CCDC33: variants seen among roughly 807,000 people sequenced by gnomAD.
The protein encoded by CCDC33 is coiled-coil domain-containing protein 33.
Under a neutral mutation model 91.9 loss-of-function variants are expected in CCDC33, and 94 were observed. The ratio of observed to expected loss-of-function variants is 1.02; its 90% CI spans 0.87 to 1.21. The LOEUF is 1.21. Among genes scored for constraint, CCDC33 ranks in the 50% most tolerant of loss-of-function variants. CCDC33 has a pLI of 0.00. For synonymous variants in CCDC33, 396 were observed against 374.5 expected (o/e 1.06, Z -0.66); for missense variants, 940 against 935.5 (o/e 1.00, Z -0.06).
chr15:74,209,466 C>G, exon 2 of CCDC33: 1 of 1,534,806 alleles, frequency 6.5e-7, no homozygotes, highest in South Asian at 1.2e-5. Context: ...CTGCTGCTGC[C>G]CAGCTGGGCT....
chr15:74,274,739 C>T (rs1193723816), intron 7 of CCDC33, among the ~76,000 whole-genome samples: 1 of 152,240 alleles, frequency 6.6e-6, no homozygotes, highest in African/African-American at 2.4e-5. Flanking sequence ...CCTCCCACCC[C>T]CAGGCTTTCT....
At chr15:74,287,273 G>T (rs1223934335) in intron 10 of CCDC33, among the ~76,000 whole-genome samples, 1 of 152,146 alleles carries the variant, frequency 6.6e-6, no homozygotes, top group African/African-American at 2.4e-5. Context: ...GACTCCATCT[G>T]TGAAAACACT....
At chr15:74,242,954 C>G (rs1215958792) in intron 1 of CCDC33, among the ~76,000 whole-genome samples, 1 of 152,178 alleles carries the variant, frequency 6.6e-6, no homozygotes, top group South Asian at 2.1e-4. Flanking sequence ...CACTCCTGCA[C>G]CTTCTCCCAA....
At chr15:74,274,939 G>A (rs893111999) in intron 7 of CCDC33, among the ~76,000 whole-genome samples, 12 of 152,278 alleles carry the variant, frequency 7.9e-5, no homozygotes, top group African/African-American at 2.7e-4. Flanking sequence ...AGGTGCCCAG[G>A]TGCAGCAGTG....
chr15:74,295,684 G>A (rs1411204527), intron 10 of CCDC33, 70 bp from the exon 11 acceptor site: 172 of 1,346,680 alleles, frequency 1.3e-4, no homozygotes, highest in Non-Finnish European at 4.9e-5. Flanking sequence ...GGGTGTAGAT[G>A]GTGTGCTTAT....
chr15:74,334,987 G>A lies in CCDC33; in HGVS notation c.2038G>A (p.Ala680Thr). The A allele has an allele frequency of 6.2e-7, 1 of 1,614,032 alleles. No individual in the cohort carries two copies. Among genetic ancestry groups the A allele is most frequent in the Non-Finnish European group, 8.5e-7 (1 of 1,179,904 alleles). Residue 680 changes from alanine to threonine, a missense_variant, in exon 18 of 19, where the codon GCT becomes ACT. Ala to Thr is a moderately conservative substitution (Grantham distance 58). Transcript: ENST00000398814. ...TCTGTGTCTGCAGTTAGAGGACTCA[G>A]CTCGACGCTGGGGACGAGAGAAGCA... ...LSLESQLEDSARRWGREKQDL... is the reference protein window; with the variant it reads ...LSLESQLEDSTRRWGREKQDL...
chr15:74,318,681 G>C (rs371446826), intron 11 of CCDC33: 1 of 757,452 alleles, frequency 1.3e-6, no homozygotes, highest in South Asian at 1.4e-5. Context: ...CTCGCCCACT[G>C]GTTCTGGGAA....
At chr15:74,209,056 C>T (rs889631384) in intron 1 of CCDC33, 2 of 1,203,634 alleles carry the variant, frequency 1.7e-6, no homozygotes, top group Non-Finnish European at 2.1e-6. Flanking sequence ...CAGCTCCCCC[C>T]TTCTCCAGTC....
At chr15:74,279,905 T>C (rs1052455480) in intron 7 of CCDC33, 58 bp from the exon 8 acceptor site, 2 of 1,577,132 alleles carry the variant, frequency 1.3e-6, no homozygotes, top group African/African-American at 1.4e-5. Flanking sequence ...TATCTGTGTA[T>C]GCCTTGATTT....
chr15:74,313,379 T>TCCAACC (rs1567024557), intron 11 of CCDC33, among the ~76,000 whole-genome samples: 2 of 151,352 alleles, frequency 1.3e-5, no homozygotes, highest in Admixed American at 6.6e-5. Context: ...CTCAGTCCCT[T>TCCAACC]CCAACCCCAG....
At chr15:74,284,243 T>C (rs1004799250) in intron 10 of CCDC33, among the ~76,000 whole-genome samples, 1 of 152,232 alleles carries the variant, frequency 6.6e-6, no homozygotes, top group South Asian at 2.1e-4. Context: ...AAGTAGAATT[T>C]TGGCTGCCAT....
chr15:74,268,397 C>G lies in CCDC33; in HGVS notation c.485C>G (p.Thr162Arg). 3 of 1,608,970 alleles carry G rather than the reference C, an allele frequency of 1.9e-6. No individual in the cohort carries two copies. Among genetic ancestry groups the G allele is most frequent in the Non-Finnish European group, 2.5e-6 (3 of 1,177,564 alleles). ...EATAKTQLYATVVRKSSFIPR... is the reference protein window; with the variant it reads ...EATAKTQLYARVVRKSSFIPR... Reference sequence around the variant, plus strand: ...ACTGCCAAGACCCAGTTGTACGCAACAGTCGTTCGGAAGAGCAGCTTCATA... The same window carrying G: ...ACTGCCAAGACCCAGTTGTACGCAAGAGTCGTTCGGAAGAGCAGCTTCATA... Residue 162 changes from threonine to arginine, a missense_variant, in exon 5 of 19, where the codon ACA becomes AGA. Transcript: ENST00000398814.
chr15:74,311,219 C>T lies in CCDC33; in HGVS notation c.1290+15271C>T, dbSNP rs377501884. On this transcript the variant is annotated intron_variant, in intron 11 of 18. Transcript: ENST00000398814. ...TAGGCCTCCTTGGATCCCCCAAGAG[C>T]CCCAAATGTCCAGACAGGGCTCCTT... Among the ~76,000 whole-genome samples, 8 of 152,254 alleles carry T rather than the reference C, an allele frequency of 5.3e-5. No homozygotes were observed. In the South Asian group the frequency reaches 8.3e-4, roughly 16 times the overall value.
chr15:74,266,586 A>G (rs440793), intron 3 of CCDC33, 92 bp from the exon 4 acceptor site: 907,285 of 911,066 alleles, frequency 1, 451,815 homozygotes, highest in East Asian at 1. Context: ...CCCTACTCTC[A>G]ACAATGTCTC....
At position 74,280,074 on chromosome 15, in the gene CCDC33, TACTACTCCTCAA is replaced by T; in HGVS notation, c.872_883del (p.Tyr291_Thr295delinsSer). On this transcript the variant is annotated inframe_deletion, in exon 8 of 19. Transcript: ENST00000398814. Reference sequence around the variant, plus strand: ...AGAAGACACAGCCCTGGTGCTGGAGTACTACTCCTCAACTTCAAGTACGTGACCCCTGGTGCC... The same window carrying T: ...AGAAGACACAGCCCTGGTGCTGGAGTCTTCAAGTACGTGACCCCTGGTGCC... 2 of 1,613,826 alleles carry T rather than the reference TACTACTCCTCAA, an allele frequency of 1.2e-6. No homozygotes were observed. Among genetic ancestry groups the T allele is most frequent in the South Asian group, 2.2e-5 (2 of 91,072 alleles).
At chr15:74,333,298 G>T in intron 16 of CCDC33, 1 of 1,595,440 alleles carries the variant, frequency 6.3e-7, no homozygotes, top group South Asian at 1.1e-5. Flanking sequence ...GCCACTCAGA[G>T]TGCACAGAGA....
At chr15:74,209,578 C>G in intron 2 of CCDC33, 1 of 729,102 alleles carries the variant, frequency 1.4e-6, no homozygotes, top group Non-Finnish European at 2.2e-6. Flanking sequence ...CCCCTCGGAG[C>G]TTTCTCTTCT....
chr15:74,270,988 G>A (rs949289410), intron 5 of CCDC33, among the ~76,000 whole-genome samples: 1 of 152,156 alleles, frequency 6.6e-6, no homozygotes, highest in Non-Finnish European at 1.5e-5. Flanking sequence ...GCGGTCAGGG[G>A]AGTGACAACC....
chr15:74,330,192 A>C lies in CCDC33; in HGVS notation c.1294A>C (p.Met432Leu). ...LVPEMSHDTE[M>L]NNYRRAMQKM... is the part of the protein sequence containing the mutation. ...CTCTGGGCTCTGGGATCCACAGGAG[A>C]TGAACAACTACCGGCGGGCCATGCA... The change falls in exon 12 of 19, where the codon ATG (methionine) becomes CTG (leucine). Residue 432 changes from methionine to leucine, a missense_variant. Met to Leu is a conservative substitution (Grantham distance 15, BLOSUM62 2). Coordinates refer to ENST00000398814, the MANE Select transcript of CCDC33 (RefSeq NM_025055.5). 1 of 1,602,704 alleles carries C rather than the reference A, an allele frequency of 6.2e-7. No homozygotes were observed. The highest frequency in any genetic ancestry group is 8.5e-7 in the Non-Finnish European group (1 of 1,173,182).
Sources: allele counts gnomAD v4.1 joint callset (sites outside exome capture counted in the v4.1 genomes callset), GRCh38; gene constraint gnomAD v4.1.1; transcripts MANE v1.5; gene names NCBI Gene and HGNC (gene_info 2026-07-23, HGNC 2026-07-21).